The following LRRIQ1 variants were observed in gnomAD, a reference collection of about 807,000 sequenced individuals.
LRRIQ1 encodes leucine rich repeats and IQ motif containing 1.
Under a neutral mutation model 211.9 loss-of-function variants are expected in LRRIQ1, and 210 were observed. The observed-to-expected ratio is 0.99, with a 90% confidence interval of 0.89 to 1.11. The LOEUF (loss-of-function observed/expected upper bound fraction) is 1.11. Ranked by LOEUF, LRRIQ1 falls within the 50% of genes most tolerant of loss-of-function variation. The pLI is 0.00. For missense variants in LRRIQ1, 2,136 were observed against 1,939.5 expected (o/e 1.10, Z -1.90); for synonymous variants, 699 against 650.1 (o/e 1.08, Z -1.14).
At chr12:85,085,632 C>T (rs1884740069) in intron 11 of LRRIQ1, among the ~76,000 whole-genome samples, 1 of 152,190 alleles carries the variant, frequency 6.6e-6, no homozygotes, top group African/African-American at 2.4e-5. Flanking sequence ...TTGTTCCCAT[C>T]TTTATGTCCA....
chr12:85,173,623 A>G (rs1891528985), intron 24 of LRRIQ1, among the ~76,000 whole-genome samples: 1 of 151,418 alleles, frequency 6.6e-6, no homozygotes, highest in Admixed American at 6.6e-5. Context: ...TCTCTCATAC[A>G]CACACACACA....
chr12:85,189,847 ATATAT>A (rs1250190046), intron 24 of LRRIQ1, among the ~76,000 whole-genome samples: 1 of 145,334 alleles, frequency 6.9e-6, no homozygotes, highest in East Asian at 2.0e-4. Flanking sequence ...TTATTGAATT[ATATAT>A]TATAATTTAT....
chr12:85,157,369 A>G (rs1414371072), intron 23 of LRRIQ1, among the ~76,000 whole-genome samples: 2 of 151,908 alleles, frequency 1.3e-5, no homozygotes, highest in Non-Finnish European at 1.5e-5. Flanking sequence ...CATTACTTAT[A>G]CAGTTTATGT....
intron 24 of LRRIQ1, among the ~76,000 whole-genome samples, chr12:85,186,997 ATCAC>A (rs1892257579): frequency 6.6e-6 from 1 of 152,172 alleles, no homozygotes; most frequent in Non-Finnish European, 1.5e-5. Flanking sequence ...TCCGTAAAGC[ATCAC>A]TCAGAGTTTT....
intron 1 of LRRIQ1, among the ~76,000 whole-genome samples, chr12:85,252,428 C>T (rs1345544181): frequency 6.6e-6 from 1 of 151,750 alleles, no homozygotes; most frequent in Admixed American, 6.6e-5. Flanking sequence ...TATAGACCAA[C>T]AGATACAATG....
At chr12:85,178,053 A>G (rs1891800522) in intron 24 of LRRIQ1, among the ~76,000 whole-genome samples, 1 of 152,098 alleles carries the variant, frequency 6.6e-6, no homozygotes, top group Non-Finnish European at 1.5e-5. Context: ...TGCTCAGTAT[A>G]TGACAGCAAT....
At chr12:85,120,833 C>G (rs974365058) in intron 15 of LRRIQ1, among the ~76,000 whole-genome samples, 1 of 152,228 alleles carries the variant, frequency 6.6e-6, no homozygotes, top group Non-Finnish European at 1.5e-5. Flanking sequence ...GACCTACACT[C>G]TCTCCTTGAG....
chr12:85,052,945 C>G (rs1880507542), intron 7 of LRRIQ1, among the ~76,000 whole-genome samples: 2 of 151,958 alleles, frequency 1.3e-5, no homozygotes, highest in Admixed American at 1.3e-4. Flanking sequence ...TAATTATCAT[C>G]CAGTAGCAAA....
intron 24 of LRRIQ1, among the ~76,000 whole-genome samples, chr12:85,216,795 T>A (rs2137100538): frequency 6.6e-6 from 1 of 152,036 alleles, no homozygotes; most frequent in South Asian, 2.1e-4. Context: ...AAGGACCTCA[T>A]TTGTAAATTT....
chr12:85,177,447 G>C, intron 24 of LRRIQ1, among the ~76,000 whole-genome samples: 1 of 142,536 alleles, frequency 7.0e-6, no homozygotes, highest in East Asian at 1.9e-4. Flanking sequence ...TGACACTTGG[G>C]CTGAGTTTGA....
chr12:85,200,992 C>A (rs1893261734), intron 24 of LRRIQ1, among the ~76,000 whole-genome samples: 1 of 146,596 alleles, frequency 6.8e-6, no homozygotes, highest in Middle Eastern at 3.2e-3. Context: ...GCTAATTTTT[C>A]TTTTTTTTTT....
intron 2 of LRRIQ1, among the ~76,000 whole-genome samples, chr12:85,039,148 CTTTA>C (rs989219162): frequency 9.3e-5 from 14 of 151,098 alleles, no homozygotes; most frequent in African/African-American, 3.1e-4. Context: ...ATCTGAAATT[CTTTA>C]TTTGAGTATG....
intron 19 of LRRIQ1, among the ~76,000 whole-genome samples, chr12:85,143,564 G>T (rs886276301): frequency 6.6e-6 from 1 of 151,500 alleles, no homozygotes; most frequent in Non-Finnish European, 1.5e-5. Flanking sequence ...TGGAGTGTTC[G>T]TGGTTTAATT....
At chr12:85,118,784 T>C (rs1205547205) in intron 15 of LRRIQ1, among the ~76,000 whole-genome samples, 1 of 152,170 alleles carries the variant, frequency 6.6e-6, no homozygotes, top group Non-Finnish European at 1.5e-5. Flanking sequence ...TTCTTAAATC[T>C]TAACATTTTA....
chr12:85,166,746 G>T (rs930145074), intron 24 of LRRIQ1, among the ~76,000 whole-genome samples: 1 of 152,174 alleles, frequency 6.6e-6, no homozygotes, highest in African/African-American at 2.4e-5. Context: ...AGGCAGCCCC[G>T]TAAGAAGAGA....
chr12:85,078,664 T>G (rs1365202479), intron 11 of LRRIQ1, among the ~76,000 whole-genome samples: 1 of 152,138 alleles, frequency 6.6e-6, no homozygotes, highest in Non-Finnish European at 1.5e-5. Flanking sequence ...TTTTAAAACG[T>G]CTCTTTTCAT....
intron 6 of LRRIQ1, chr12:85,048,161 C>T (rs1310675173): frequency 1.3e-5 from 2 of 152,242 alleles, no homozygotes; most frequent in Non-Finnish European, 2.9e-5. Context: ...ATACATTATC[C>T]AGAACTTGCT....
intron 15 of LRRIQ1, among the ~76,000 whole-genome samples, chr12:85,120,287 G>T (rs1051958449): frequency 1.3e-5 from 2 of 152,154 alleles, no homozygotes; most frequent in Non-Finnish European, 2.9e-5. Flanking sequence ...TTGTTGAAAA[G>T]ACCATCTTAG....
At chr12:85,217,622 ATATATGTATATATGTATATATATGTG>A (rs1565910019) in intron 24 of LRRIQ1, among the ~76,000 whole-genome samples, 2 of 136,020 alleles carry the variant, frequency 1.5e-5, no homozygotes, top group Non-Finnish European at 3.1e-5. Context: ...ATATATATGT[ATATATGTATATATGTATATATATGTG>A]TATATGTATA....
Sources: allele counts gnomAD v4.1 joint callset (sites outside exome capture counted in the v4.1 genomes callset), GRCh38; gene constraint gnomAD v4.1.1; transcripts MANE v1.5; gene names NCBI Gene and HGNC (gene_info 2026-07-23, HGNC 2026-07-21).